The following TRDN variants were observed in gnomAD, a reference collection of about 807,000 sequenced individuals.
TRDN encodes triadin.
Under a neutral mutation model 149.7 loss-of-function variants are expected in TRDN, and 161 were observed. That is an observed-to-expected ratio of 1.08 (90% CI 0.95 to 1.23). The LOEUF (loss-of-function observed/expected upper bound fraction) is 1.23. Ranked by LOEUF, TRDN falls within the 50% of genes most tolerant of loss-of-function variation. The pLI, the probability that TRDN is intolerant of heterozygous loss-of-function variation, is 0.00. For synonymous variants in TRDN, 294 were observed against 250.5 expected, an observed-to-expected ratio of 1.17 and a Z score of -1.64; for missense variants, 896 against 823.5, an observed-to-expected ratio of 1.09 and a Z score of -1.08.
intron 22 of TRDN, among the ~76,000 whole-genome samples, chr6:123,334,029 A>G (rs1486632797): frequency 1.3e-5 from 2 of 151,914 alleles, no homozygotes; most frequent in African/African-American, 2.4e-5. Context: ...GCCTTACACT[A>G]CCCCCAGAGA....
At chr6:123,434,979 T>C (rs1774492307) in intron 12 of TRDN, among the ~76,000 whole-genome samples, 2 of 151,942 alleles carry the variant, frequency 1.3e-5, no homozygotes, top group Admixed American at 1.3e-4. Flanking sequence ...ACTGGCAAAG[T>C]GTGATTTACC....
intron 17 of TRDN, 42 bp downstream of exon 17, chr6:123,377,824 T>C: frequency 2.5e-6 from 4 of 1,603,382 alleles, no homozygotes; most frequent in Non-Finnish European, 3.4e-6. Context: ...AATCAAATAA[T>C]ATTATGAAAT....
chr6:123,558,307 G>A (rs1346978597), intron 2 of TRDN, among the ~76,000 whole-genome samples: 1 of 151,836 alleles, frequency 6.6e-6, no homozygotes, highest in Non-Finnish European at 1.5e-5. Context: ...TCGCCAGGCT[G>A]AGCTAGGTCT....
At chr6:123,314,404 T>C (rs1224128436) in intron 24 of TRDN, among the ~76,000 whole-genome samples, 2 of 151,998 alleles carry the variant, frequency 1.3e-5, no homozygotes, top group Non-Finnish European at 2.9e-5. Flanking sequence ...GGTGGGACTG[T>C]AAATTAGTTC....
At chr6:123,336,744 A>T (rs1019062664) in intron 22 of TRDN, among the ~76,000 whole-genome samples, 1 of 151,796 alleles carries the variant, frequency 6.6e-6, no homozygotes, top group East Asian at 1.9e-4. Context: ...CACACAAAAA[A>T]TTAAGGTGAA....
chr6:123,292,510 C>A, intron 24 of TRDN, among the ~76,000 whole-genome samples: 1 of 152,174 alleles, frequency 6.6e-6, no homozygotes, highest in East Asian at 1.9e-4. Context: ...GTTCAAAAGG[C>A]TTTCCACTAT....
At chr6:123,273,466 G>A in intron 27 of TRDN, 103 bp from the exon 28 acceptor site, 1 of 542,520 alleles carries the variant, frequency 1.8e-6, no homozygotes, top group Non-Finnish European at 2.6e-6. Context: ...GGCATAACTA[G>A]CTTTAAATAG....
intron 10 of TRDN, among the ~76,000 whole-genome samples, chr6:123,458,879 A>G (rs1238774817): frequency 6.6e-6 from 1 of 152,110 alleles, no homozygotes; most frequent in South Asian, 2.1e-4. Flanking sequence ...AAAGGGGAAC[A>G]CTGGTTTAAA....
chr6:123,582,811 A>G (rs939668026), intron 1 of TRDN, among the ~76,000 whole-genome samples: 2 of 151,206 alleles, frequency 1.3e-5, no homozygotes, highest in East Asian at 2.0e-4. Flanking sequence ...ATTTTGGGGG[A>G]TGGTATGGAG....
At chr6:123,473,682 G>C (rs1369693871) in intron 9 of TRDN, among the ~76,000 whole-genome samples, 1 of 151,054 alleles carries the variant, frequency 6.6e-6, no homozygotes, top group Non-Finnish European at 1.5e-5. Flanking sequence ...AAATGTTAAG[G>C]GCAGCCAGAG....
chr6:123,500,856 G>T (rs1257590085), intron 8 of TRDN, among the ~76,000 whole-genome samples: 1 of 152,110 alleles, frequency 6.6e-6, no homozygotes, highest in Non-Finnish European at 1.5e-5. Flanking sequence ...TACTTTCTCT[G>T]CCTGCCACAA....
At position 123,547,369 on chromosome 6, in the gene TRDN, T is replaced by A; in HGVS notation, c.395A>T (p.Glu132Val). Residue 132 changes from glutamate to valine, a missense_variant, in exon 4 of 41, where the codon GAA (glutamate) becomes GTA (valine). Transcript: ENST00000334268. ...TTTTCTCAAGGGAGGCTCATCTATT[T>A]CTCCTAGACCAAGATTAAAAGAAAA... ...DDGDEDTDKG[E>V]IDEPPLRKKE... 1 of 1,453,242 alleles carries A rather than the reference T, an allele frequency of 6.9e-7. No individual in the cohort carries two copies. Among genetic ancestry groups the A allele is most frequent in the Non-Finnish European group, 9.1e-7 (1 of 1,095,090 alleles). 90.0% of individuals were successfully genotyped at this position (1,453,242 alleles called of 1,614,324 possible). A position where few individuals can be genotyped will look rare whatever the true frequency, so the allele number is the denominator to read the frequency against.
chr6:123,372,912 C>G (rs144521684), intron 19 of TRDN, among the ~76,000 whole-genome samples: 2 of 152,166 alleles, frequency 1.3e-5, no homozygotes, highest in Non-Finnish European at 2.9e-5. Flanking sequence ...TTTGCTCACA[C>G]TATGATAAAT....
At chr6:123,487,000 CT>C (rs1335320560) in intron 9 of TRDN, among the ~76,000 whole-genome samples, 1 of 151,904 alleles carries the variant, frequency 6.6e-6, no homozygotes, top group African/African-American at 2.4e-5. Flanking sequence ...CAAAATGAGT[CT>C]GGTATGTTAT....
At chr6:123,497,290 T>C (rs1329428934) in intron 8 of TRDN, 38 bp from the exon 9 acceptor site, 3 of 1,358,438 alleles carry the variant, frequency 2.2e-6, no homozygotes, top group Non-Finnish European at 3.0e-6. Flanking sequence ...TGAAAAAATG[T>C]CATCAACACT....
intron 13 of TRDN, among the ~76,000 whole-genome samples, chr6:123,392,792 C>A (rs1393210188): frequency 6.6e-6 from 1 of 151,900 alleles, no homozygotes; most frequent in Middle Eastern, 3.2e-3. Context: ...AGATTAAATA[C>A]AAGAGAAAAA....
intron 2 of TRDN, among the ~76,000 whole-genome samples, chr6:123,568,836 A>T (rs1328501832): frequency 6.6e-6 from 1 of 152,228 alleles, no homozygotes; most frequent in East Asian, 1.9e-4. Flanking sequence ...AAATGCCTTC[A>T]AGACCTTTTT....
At chr6:123,576,390 A>G (rs1004264313) in intron 1 of TRDN, among the ~76,000 whole-genome samples, 1 of 152,140 alleles carries the variant, frequency 6.6e-6, no homozygotes, top group African/African-American at 2.4e-5. Flanking sequence ...TATGATTATC[A>G]TAATGCAATT....
At chr6:123,231,201 T>C (rs1443619149) in intron 38 of TRDN, among the ~76,000 whole-genome samples, 1 of 152,004 alleles carries the variant, frequency 6.6e-6, no homozygotes, top group Non-Finnish European at 1.5e-5. Flanking sequence ...AGGATGCTAC[T>C]TAGAAGTAAT....
Sources: allele counts gnomAD v4.1 joint callset (sites outside exome capture counted in the v4.1 genomes callset), GRCh38; gene constraint gnomAD v4.1.1; transcripts MANE v1.5; gene names NCBI Gene and HGNC (gene_info 2026-07-23, HGNC 2026-07-21).